Variants in ANXA4 observed in about 807,000 individuals in gnomAD.
ANXA4 encodes the protein annexin A4.
ANXA4 carries 39 observed loss-of-function variants against 49.8 expected under a neutral mutation model. That is an observed-to-expected ratio of 0.78 (90% CI 0.61 to 1.02). The LOEUF (loss-of-function observed/expected upper bound fraction) is 1.02, where lower values mean the gene tolerates loss of function less well. ANXA4 is among the 50% of genes least tolerant of loss of function. ANXA4 has a pLI of 0.00. For missense variants in ANXA4, 360 were observed against 410.1 expected, an observed-to-expected ratio of 0.88 and a Z score of 1.05; for synonymous variants, 134 against 152.5, an observed-to-expected ratio of 0.88 and a Z score of 0.89.
At chr2:69,704,329 CTACTT>C (rs1202702633) in intron 2 of ANXA4, among the ~76,000 whole-genome samples, 2 of 152,104 alleles carry the variant, frequency 1.3e-5, no homozygotes, top group African/African-American at 4.8e-5. Flanking sequence ...AAGTAACTAA[CTACTT>C]TACTAAAATT....
chr2:69,787,085 C>G (rs577103037), intron 2 of ANXA4, among the ~76,000 whole-genome samples: 1 of 152,238 alleles, frequency 6.6e-6, no homozygotes, highest in East Asian at 1.9e-4. Flanking sequence ...TTGAAGCAAA[C>G]CCAAGACATC....
At chr2:69,809,076 A>G (rs962056013) in intron 6 of ANXA4, 1 of 152,250 alleles carries the variant, frequency 6.6e-6, no homozygotes, top group African/African-American at 2.4e-5. Context: ...TTAATAACAC[A>G]GTATTTTTTA....
At chr2:69,657,120 G>T (rs999810607) in intron 2 of ANXA4, among the ~76,000 whole-genome samples, 2 of 150,834 alleles carry the variant, frequency 1.3e-5, no homozygotes, top group Non-Finnish European at 1.5e-5. Context: ...TCAGCCTCCC[G>T]AGTAGCTGGC....
chr2:69,735,182 C>T (rs1482660622), intron 3 of ANXA4, among the ~76,000 whole-genome samples: 1 of 152,206 alleles, frequency 6.6e-6, no homozygotes, highest in Non-Finnish European at 1.5e-5. Context: ...AACTGTAGAA[C>T]TAATGACTAT....
intron 1 of ANXA4, among the ~76,000 whole-genome samples, chr2:69,651,829 GC>G (rs200674649): frequency 0.072 from 1,154 of 15,972 alleles, 139 homozygotes; most frequent in African/African-American, 0.18. Context: ...GGGGGGGGGG[GC>G]GGGGAGACAG....
intron 1 of ANXA4, among the ~76,000 whole-genome samples, chr2:69,650,640 G>A (rs1014128519): frequency 1.3e-5 from 2 of 152,066 alleles, no homozygotes; most frequent in African/African-American, 2.4e-5. Context: ...TTTTTGTAGA[G>A]ACAGGGTGTT....
chr2:69,717,569 A>G (rs1669677491), intron 2 of ANXA4, among the ~76,000 whole-genome samples: 1 of 152,102 alleles, frequency 6.6e-6, no homozygotes, highest in South Asian at 2.1e-4. Flanking sequence ...CTGATGTCCC[A>G]TCCTTTTCAT....
intron 2 of ANXA4, among the ~76,000 whole-genome samples, chr2:69,690,758 C>T (rs1177293891): frequency 6.6e-6 from 1 of 152,160 alleles, no homozygotes; most frequent in African/African-American, 2.4e-5. Flanking sequence ...TCTGCAAAAC[C>T]TTTACCCATC....
At chr2:69,677,978 T>G (rs139928950) in intron 2 of ANXA4, among the ~76,000 whole-genome samples, 2 of 152,330 alleles carry the variant, frequency 1.3e-5, no homozygotes, top group East Asian at 3.9e-4. Context: ...ATTGCACCCT[T>G]GATAGACTAC....
chr2:69,768,590 T>C (rs1444379018), intron 1 of ANXA4, among the ~76,000 whole-genome samples: 2 of 152,104 alleles, frequency 1.3e-5, no homozygotes, highest in African/African-American at 2.4e-5. Flanking sequence ...GTTTAGTAAA[T>C]CAAATGGTAC....
At chr2:69,781,965 T>C (rs1672218688) in intron 2 of ANXA4, among the ~76,000 whole-genome samples, 1 of 152,182 alleles carries the variant, frequency 6.6e-6, no homozygotes, top group African/African-American at 2.4e-5. Flanking sequence ...TTCAGGCTCA[T>C]CAAGAGGGGT....
intron 2 of ANXA4, among the ~76,000 whole-genome samples, chr2:69,689,083 ATTTTC>A (rs1677881346): frequency 2.0e-5 from 3 of 150,766 alleles, no homozygotes; most frequent in Non-Finnish European, 3.0e-5. Context: ...TTCATACGAC[ATTTTC>A]TTTTCTTTTC....
Position 69,825,592 on chromosome 2 carries a change from T to C in ANXA4, c.*77T>C, listed in dbSNP as rs1674439756. 2.8e-6 allele frequency: 3 copies of C among 1,077,680 alleles called. No homozygotes were observed. Among genetic ancestry groups the C allele is most frequent in the East Asian group, 2.4e-5 (1 of 41,414 alleles). The allele number at this position is 1,077,680 out of a possible 1,614,324, so 66.8% of individuals were successfully genotyped here. A position where few individuals can be genotyped will look rare whatever the true frequency, so the allele number is the denominator to read the frequency against. On this transcript the variant is annotated 3_prime_UTR_variant, in exon 13 of 13. Transcript: ENST00000394295. ...ACTTCATTTTTCTACACTGCTATTA[T>C]CATTATCTCAGAATGCTTATTTCCA...
chr2:69,764,423 G>A (rs1016057481), intron 1 of ANXA4, among the ~76,000 whole-genome samples: 4 of 152,294 alleles, frequency 2.6e-5, no homozygotes, highest in African/African-American at 4.8e-5. Flanking sequence ...CTTGAGGAGA[G>A]GATTTTACTC....
chr2:69,778,775 CAAAAAAAAAA>C (rs58688910), intron 1 of ANXA4, among the ~76,000 whole-genome samples: 201 of 36,558 alleles, frequency 5.5e-3, no homozygotes, highest in East Asian at 0.027. Context: ...AACTCTGTCT[CAAAAAAAAAA>C]AAAAAAAAAA....
At chr2:69,648,420 G>A (rs1340058848) in intron 1 of ANXA4, among the ~76,000 whole-genome samples, 1 of 152,174 alleles carries the variant, frequency 6.6e-6, no homozygotes, top group Non-Finnish European at 1.5e-5. Context: ...GAGGGGCAGA[G>A]GCAGCAGTTT....
chr2:69,825,434 A>T (rs1354812200), intron 12 of ANXA4, 22 bp from the exon 13 acceptor site: 1 of 1,593,626 alleles, frequency 6.3e-7, no homozygotes, highest in African/African-American at 1.4e-5. Context: ...TATTTATCTA[A>T]CTTTGCTTCC....
At chr2:69,746,619 C>A (rs185254986) in intron 1 of ANXA4, among the ~76,000 whole-genome samples, 1 of 152,082 alleles carries the variant, frequency 6.6e-6, no homozygotes, top group Non-Finnish European at 1.5e-5. Flanking sequence ...CCTGAACCAC[C>A]ACCTTTGAAG....
intron 1 of ANXA4, among the ~76,000 whole-genome samples, chr2:69,651,834 G>T (rs1333921914): frequency 2.4e-5 from 2 of 82,656 alleles, no homozygotes; most frequent in African/African-American, 4.9e-5. Flanking sequence ...GGGGGGCGGG[G>T]AGACAGAGTC....
Sources: allele counts gnomAD v4.1 joint callset (sites outside exome capture counted in the v4.1 genomes callset), GRCh38; gene constraint gnomAD v4.1.1; transcripts MANE v1.5; gene names NCBI Gene and HGNC (gene_info 2026-07-23, HGNC 2026-07-21).